ZEB1: variants seen among roughly 807,000 people sequenced by gnomAD.
ZEB1 encodes zinc finger E-box binding homeobox 1.
Under a neutral mutation model 84.9 loss-of-function variants are expected in ZEB1, and 21 were observed. That is an observed-to-expected ratio of 0.25 (90% CI 0.18 to 0.36). The LOEUF is 0.36. Ranked by LOEUF, ZEB1 falls within the 10% of genes least tolerant of loss-of-function variation. ZEB1 has a pLI of 1.00. For missense variants in ZEB1, 1,104 were observed against 1,330.2 expected (o/e 0.83, Z 2.65); for synonymous variants, 420 against 471.1 (o/e 0.89, Z 1.41).
intron 1 of ZEB1, among the ~76,000 whole-genome samples, chr10:31,365,560 T>G (rs2044302891): frequency 6.6e-6 from 1 of 152,230 alleles, no homozygotes; most frequent in South Asian, 2.1e-4. Flanking sequence ...ATAGGATATC[T>G]TTCATTTAAT....
At chr10:31,401,520 T>A (rs1254168749) in intron 1 of ZEB1, among the ~76,000 whole-genome samples, 1 of 152,170 alleles carries the variant, frequency 6.6e-6, no homozygotes, top group Non-Finnish European at 1.5e-5. Context: ...GTGCTTTTTG[T>A]TTATTCTTAT....
At chr10:31,357,941 G>T (rs548131187) in intron 1 of ZEB1, among the ~76,000 whole-genome samples, 2 of 151,984 alleles carry the variant, frequency 1.3e-5, no homozygotes, top group African/African-American at 2.4e-5. Context: ...TCCTCCTTCA[G>T]ATCCAAAGAG....
chr10:31,476,143 A>T (rs2064140824), intron 2 of ZEB1, among the ~76,000 whole-genome samples: 1 of 152,086 alleles, frequency 6.6e-6, no homozygotes, highest in Admixed American at 6.6e-5. Context: ...ACCAAAAAAA[A>T]ATGATGAAAA....
At position 31,437,333 on chromosome 10, in the gene ZEB1, C is replaced by T. The variant is rs537387718; in HGVS notation, c.59-23704C>T. On this transcript the variant is annotated intron_variant, in intron 1 of 8. Transcript: ENST00000424869. ...CTAGATATTAAATGTCTTCATTCTC[C>T]TATCTTCTGAAGCACTTAAGTCAGA... is the stretch of plus-strand genomic sequence containing the variant. Among the ~76,000 whole-genome samples the T allele has an allele frequency of 2.6e-5, 4 of 152,222 alleles. No individual in the cohort carries two copies. The East Asian group carries it at 7.7e-4, about 29-fold the overall frequency.
intron 4 of ZEB1, among the ~76,000 whole-genome samples, chr10:31,505,312 T>C (rs186504650): frequency 8.5e-5 from 13 of 152,258 alleles, no homozygotes; most frequent in Admixed American, 7.2e-4. Context: ...TAGAATGAAG[T>C]AGGGAGAATT....
At chr10:31,361,572 TG>T (rs1044386321) in intron 1 of ZEB1, among the ~76,000 whole-genome samples, 6 of 143,460 alleles carry the variant, frequency 4.2e-5, no homozygotes, top group African/African-American at 1.5e-4. Flanking sequence ...GGGGGCCGGG[TG>T]GGGGCACTCC....
chr10:31,446,733 T>C (rs1161970358), intron 1 of ZEB1, among the ~76,000 whole-genome samples: 1 of 152,014 alleles, frequency 6.6e-6, no homozygotes, highest in African/African-American at 2.4e-5. Context: ...TTGAGTGAGA[T>C]TCTTAATCCT....
rs76843911 is a variant in ZEB1 at position 31,511,492 on chromosome 10, C to T, written c.687+617C>T. ...AAGACTGTTTTGTAACTATAAGTTA[C>T]ATTTAAATTGCTGGTTCTATATTTA... On this transcript the variant is annotated intron_variant, in intron 5 of 8. Transcript: ENST00000424869. 5.6e-3 allele frequency among the ~76,000 whole-genome samples: 848 copies of T among 152,220 alleles called. 13 individuals are homozygous for T. The highest frequency in any genetic ancestry group is 0.02 in the African/African-American group (813 of 41,552).
intron 4 of ZEB1, among the ~76,000 whole-genome samples, chr10:31,506,489 T>C (rs981221099): frequency 1.3e-5 from 2 of 152,096 alleles, no homozygotes; most frequent in African/African-American, 4.8e-5. Context: ...ATCCTCTTAC[T>C]GAATTGATTC....
chr10:31,439,981 G>A (rs1284283090), intron 1 of ZEB1, among the ~76,000 whole-genome samples: 2 of 152,158 alleles, frequency 1.3e-5, no homozygotes, highest in Non-Finnish European at 2.9e-5. Flanking sequence ...GACAAAGGTG[G>A]CAGCACGGAG....
intron 2 of ZEB1, among the ~76,000 whole-genome samples, chr10:31,482,263 A>C (rs1225219672): frequency 6.6e-6 from 1 of 152,076 alleles, no homozygotes; most frequent in Non-Finnish European, 1.5e-5. Context: ...TAATAATTAG[A>C]AAACATCAGA....
intron 3 of ZEB1, among the ~76,000 whole-genome samples, chr10:31,496,701 T>C (rs2067289234): frequency 6.6e-6 from 1 of 152,124 alleles, no homozygotes. Context: ...ATAGTTTTAA[T>C]TACATTTTCT....
intron 1 of ZEB1, among the ~76,000 whole-genome samples, chr10:31,402,680 A>G (rs778721299): frequency 4.6e-5 from 7 of 151,722 alleles, no homozygotes; most frequent in African/African-American, 9.7e-5. Context: ...TTTCTTCATG[A>G]TTGCTGTCTA....
intron 1 of ZEB1, among the ~76,000 whole-genome samples, chr10:31,320,877 C>CCGGTA (rs2033815213): frequency 6.6e-6 from 1 of 152,150 alleles, no homozygotes; most frequent in African/African-American, 2.4e-5. Context: ...CTGCGCCGCC[C>CCGGTA]CGGTACCTGT....
At chr10:31,341,925 T>C (rs1009324359) in intron 1 of ZEB1, among the ~76,000 whole-genome samples, 1 of 152,176 alleles carries the variant, frequency 6.6e-6, no homozygotes, top group African/African-American at 2.4e-5. Flanking sequence ...TAGTCTAGGA[T>C]TGAGGTTTTA....
rs1218057438 is a variant in ZEB1, at chr10:31,473,409, C to T, written c.259+12172C>T. Among the ~76,000 whole-genome samples, 636 of 152,042 alleles carry T rather than the reference C, an allele frequency of 4.2e-3. 1 individual carries two copies. Among genetic ancestry groups the T allele is most frequent in the Non-Finnish European group, 7.0e-3 (479 of 67,976 alleles). On this transcript the variant is annotated intron_variant, in intron 2 of 8. Transcript: ENST00000424869. ...CAAAAATCACAAGCATTCTTATACA[C>T]CAGTAACAGACAAACAGAGAGCCAA...
chr10:31,494,243 T>G (rs1160871950), intron 2 of ZEB1, among the ~76,000 whole-genome samples: 1 of 151,992 alleles, frequency 6.6e-6, no homozygotes, highest in African/African-American at 2.4e-5. Flanking sequence ...TCCTACAGCT[T>G]TGTAAACACT....
intron 1 of ZEB1, among the ~76,000 whole-genome samples, chr10:31,408,697 G>C (rs373923626): frequency 1.2e-4 from 18 of 144,842 alleles, no homozygotes; most frequent in Admixed American, 1.1e-3. Context: ...GCCATATGTA[G>C]AAAGCTGAAA....
chr10:31,331,521 C>T lies in ZEB1; in HGVS notation c.58+12229C>T, dbSNP rs148350618. On this transcript the variant is annotated intron_variant, in intron 1 of 8. Transcript: ENST00000424869. ...GATTATTGTATGCAAGGTAATGAGA[C>T]CCTGAAGATGAGAGATGTAGTACCT... Among the ~76,000 whole-genome samples the T allele has an allele frequency of 7.0e-3, 1,069 of 152,134 alleles. 12 individuals carry two copies. Among genetic ancestry groups the T allele is most frequent in the African/African-American group, 0.024 (979 of 41,488 alleles).
Sources: allele counts gnomAD v4.1 joint callset (sites outside exome capture counted in the v4.1 genomes callset), GRCh38; gene constraint gnomAD v4.1.1; transcripts MANE v1.5; gene names NCBI Gene and HGNC (gene_info 2026-07-23, HGNC 2026-07-21).